Variants in PIK3C2A observed in about 807,000 individuals in gnomAD.
PIK3C2A encodes the protein phosphatidylinositol-4-phosphate 3-kinase catalytic subunit type 2 alpha.
PIK3C2A carries 97 observed loss-of-function variants against 204.5 expected under a neutral mutation model. The ratio of observed to expected loss-of-function variants is 0.47; its 90% CI spans 0.40 to 0.56. The LOEUF (loss-of-function observed/expected upper bound fraction) is 0.56. PIK3C2A is among the 20% of genes least tolerant of loss of function. The pLI is 0.00. For missense variants in PIK3C2A, 1,735 were observed against 1,969.2 expected, an observed-to-expected ratio of 0.88 and a Z score of 2.25; for synonymous variants, 653 against 664.4, an observed-to-expected ratio of 0.98 and a Z score of 0.26.
At chr11:17,160,360 A>T (rs1463695792) in intron 2 of PIK3C2A, among the ~76,000 whole-genome samples, 1 of 152,234 alleles carries the variant, frequency 6.6e-6, no homozygotes, top group Non-Finnish European at 1.5e-5. Context: ...TAGGAAGTAG[A>T]TTTACCCAGG....
chr11:17,134,922 A>G lies in PIK3C2A; in HGVS notation c.2005T>C (p.Cys669Arg). ...HANSGRSPTD[C>R]AQSSKSVKEA... is the part of the protein sequence containing the mutation. ...TTGACACTCTTGCTACTTTGGGCAC[A>G]GTCTGTAGGACTCCTACCAGAATTT... The change falls in exon 11 of 33, where the codon TGT becomes CGT. Residue 669 changes from cysteine to arginine, a missense_variant. Cys to Arg is a radical substitution (Grantham distance 180, BLOSUM62 -3). This residue lies in a region of PIK3C2A where 567 missense variants were observed against 576.0 expected (regional missense o/e 0.98). Coordinates refer to ENST00000691414, the MANE Select transcript of PIK3C2A (RefSeq NM_002645.4). 2 of 1,614,152 alleles carry G rather than the reference A, an allele frequency of 1.2e-6. No homozygotes were observed. Among genetic ancestry groups the G allele is most frequent in the Non-Finnish European group, 1.7e-6 (2 of 1,179,978 alleles).
chr11:17,128,208 C>G (rs1849582991), intron 13 of PIK3C2A, among the ~76,000 whole-genome samples: 1 of 145,794 alleles, frequency 6.9e-6, no homozygotes, highest in Non-Finnish European at 1.5e-5. Flanking sequence ...TTCTTGACTA[C>G]AAAGCTTTAG....
intron 13 of PIK3C2A, among the ~76,000 whole-genome samples, chr11:17,123,051 G>C (rs145017250): frequency 2.4e-4 from 37 of 152,210 alleles, no homozygotes; most frequent in Middle Eastern, 3.4e-3. Flanking sequence ...CATTATCTTG[G>C]GGAAAATGGT....
chr11:17,150,717 ACAAGGCTTTACATGTTTACAGC>A, intron 3 of PIK3C2A, 62 bp from the exon 4 acceptor site: 1 of 1,212,444 alleles, frequency 8.2e-7, no homozygotes. Flanking sequence ...AGGGCTCTGA[ACAAGGCTTTACATGTTTACAGC>A]CACTCAGTTC....
At chr11:17,183,301 A>C (rs1011511595) in intron 1 of PIK3C2A, among the ~76,000 whole-genome samples, 1 of 152,236 alleles carries the variant, frequency 6.6e-6, no homozygotes, top group African/African-American at 2.4e-5. Flanking sequence ...CATAAGTCTT[A>C]AACAACTTTT....
Position 17,148,695 on chromosome 11 carries a change from C to G in PIK3C2A, c.1420G>C (p.Val474Leu), listed in dbSNP as rs1850330717. Residue 474 changes from valine (V) to leucine (L), a missense_variant, in exon 5 of 33, where the codon GTT (valine) becomes CTT (leucine). Around this residue, in one of 6 missense-constraint regions of PIK3C2A, gnomAD observed 13 missense variants for 41.1 expected, o/e 0.32. Transcript: ENST00000691414. Reference protein sequence around the residue: ...QVDVGSYVLKVCGQEEVLQNN... With the variant: ...QVDVGSYVLKLCGQEEVLQNN... ...TGCAGCACTTCCTCTTGACCACAAACTTTTAGAACATAGCTGCCAACATCT... is the reference window on the plus strand; with the variant it reads ...TGCAGCACTTCCTCTTGACCACAAAGTTTTAGAACATAGCTGCCAACATCT... 1 of 1,613,468 alleles carries G rather than the reference C, an allele frequency of 6.2e-7. No homozygotes were observed. The highest frequency in any genetic ancestry group is 2.2e-5 in the East Asian group (1 of 44,792).
In PIK3C2A at chr11:17,118,661, C is replaced by T; in HGVS notation, c.3019G>A (p.Ala1007Thr). 6.9e-7 allele frequency: 1 copy of T among 1,455,976 alleles called. No homozygotes were observed. Among genetic ancestry groups the T allele is most frequent in the Non-Finnish European group, 9.6e-7 (1 of 1,041,724 alleles). 90.2% of individuals were successfully genotyped at this position (1,455,976 alleles called of 1,614,324 possible). A position where few individuals can be genotyped will look rare whatever the true frequency, so the allele number is the denominator to read the frequency against. ...AAATCTTACCAATATAAATTGTGTGCTATCTGGATATTTCCCAATGCCCTG... is the reference window on the plus strand; with the variant it reads ...AAATCTTACCAATATAAATTGTGTGTTATCTGGATATTTCCCAATGCCCTG... ...LSRALGNIQI[A>T]HNLYWLLKDA... The change falls in exon 18 of 33, where the codon GCA becomes ACA. Residue 1007 changes from alanine (A) to threonine (T), a missense_variant. Transcript: ENST00000691414.
In PIK3C2A at chr11:17,168,918, G is replaced by A. The variant is rs1565287517; in HGVS notation, c.824C>T (p.Pro275Leu). ...ATTATCCACCTTAGGCTTACTTAGA[G>A]GATCCAAGTCTAACCAGTCAAATTT... is the stretch of plus-strand genomic sequence containing the variant. ...ISKFDWLDLD[P>L]LSKPKVDNVE... is the part of the protein sequence containing the mutation. The change falls in exon 2 of 33, where the codon CCT becomes CTT. Residue 275 changes from proline to leucine, a missense_variant. By Grantham distance (98) the Pro-to-Leu change is moderately conservative. This residue lies in a region of PIK3C2A where 536 missense variants were observed against 546.7 expected (regional missense o/e 0.98). Transcript: ENST00000691414. 2 of 1,613,734 alleles carry A rather than the reference G, an allele frequency of 1.2e-6. No homozygotes were observed. Among genetic ancestry groups the A allele is most frequent in the Non-Finnish European group, 1.7e-6 (2 of 1,179,694 alleles).
chr11:17,203,169 T>G (rs1001312658), intron 1 of PIK3C2A, among the ~76,000 whole-genome samples: 2 of 152,164 alleles, frequency 1.3e-5, no homozygotes, highest in Non-Finnish European at 2.9e-5. Context: ...ATATGCACTC[T>G]CATTGTGTTT....
At chr11:17,171,483 G>T (rs900685033) in intron 1 of PIK3C2A, among the ~76,000 whole-genome samples, 6 of 151,656 alleles carry the variant, frequency 4.0e-5, no homozygotes, top group African/African-American at 1.2e-4. Context: ...AAAATCCTAA[G>T]TGTTGAGGTA....
chr11:17,136,858 T>C (rs1849890186), intron 8 of PIK3C2A, among the ~76,000 whole-genome samples: 1 of 152,248 alleles, frequency 6.6e-6, no homozygotes, highest in Non-Finnish European at 1.5e-5. Context: ...TGCAAATTGC[T>C]ATTAATTTTA....
At chr11:17,121,442 A>AT (rs1172713578) in intron 15 of PIK3C2A, among the ~76,000 whole-genome samples, 4 of 152,272 alleles carry the variant, frequency 2.6e-5, no homozygotes, top group South Asian at 4.1e-4. Flanking sequence ...AATAATCCAA[A>AT]TAAGTACTGC....
At chr11:17,093,587 G>C (rs761522208) in intron 28 of PIK3C2A, among the ~76,000 whole-genome samples, 2 of 150,262 alleles carry the variant, frequency 1.3e-5, no homozygotes, top group Non-Finnish European at 1.5e-5. Flanking sequence ...TTTAGCAGAG[G>C]AGCTCAGTAT....
intron 27 of PIK3C2A, 62 bp downstream of exon 27, chr11:17,096,991 AAAGG>A: frequency 2.1e-6 from 2 of 934,326 alleles, no homozygotes; most frequent in East Asian, 2.4e-5. Flanking sequence ...CAGAATCAGC[AAAGG>A]AAGTAGAAAG....
At position 17,169,053 on chromosome 11, in the gene PIK3C2A, A is replaced by G; in HGVS notation, c.689T>C (p.Ile230Thr). ...STDMAKLFDKIASTSEFLKNG... is the reference protein window; with the variant it reads ...STDMAKLFDKTASTSEFLKNG... ...TTTTAAAAATTCTGATGTACTAGCT[A>G]TTTTGTCAAATAGTTTTGCCATGTC... Residue 230 changes from isoleucine to threonine, a missense_variant, in exon 2 of 33, where the codon ATA (isoleucine) becomes ACA (threonine). Around this residue, in one of 6 missense-constraint regions of PIK3C2A, gnomAD observed 536 missense variants for 546.7 expected, o/e 0.98. Transcript: ENST00000691414. 6.2e-7 allele frequency: 1 copy of G among 1,614,052 alleles called. No individual in the cohort carries two copies. Among genetic ancestry groups the G allele is most frequent in the Non-Finnish European group, 8.5e-7 (1 of 1,180,004 alleles).
intron 1 of PIK3C2A, among the ~76,000 whole-genome samples, chr11:17,181,986 G>A (rs1438078176): frequency 6.6e-6 from 1 of 151,732 alleles, no homozygotes; most frequent in Non-Finnish European, 1.5e-5. Flanking sequence ...CCAGCTACTT[G>A]GGAGGCTGAG....
chr11:17,128,754 A>G (rs1464109636), intron 13 of PIK3C2A, among the ~76,000 whole-genome samples: 1 of 152,204 alleles, frequency 6.6e-6, no homozygotes, highest in African/African-American at 2.4e-5. Flanking sequence ...ACCAAGCTCA[A>G]AAGAAGTTCC....
intron 1 of PIK3C2A, among the ~76,000 whole-genome samples, chr11:17,192,726 C>A (rs776348185): frequency 1.3e-5 from 2 of 152,208 alleles, no homozygotes; most frequent in African/African-American, 4.8e-5. Flanking sequence ...GGATTACAGA[C>A]GTAAGCCACC....
intron 1 of PIK3C2A, among the ~76,000 whole-genome samples, chr11:17,177,249 T>C (rs1851368427): frequency 6.6e-6 from 1 of 152,142 alleles, no homozygotes; most frequent in Non-Finnish European, 1.5e-5. Context: ...AATACTACTA[T>C]TTAGTTATAA....
Sources: gnomAD v4.1 joint callset for allele counts (sites outside exome capture counted in the v4.1 genomes callset) on GRCh38, gnomAD v4.1.1 for gene constraint, gnomAD v4.1.1 regional missense constraint, MANE v1.5 for transcripts, NCBI Gene and HGNC (gene_info 2026-07-23, HGNC 2026-07-21) for gene names.